SNTG1: variants seen among roughly 807,000 people sequenced by gnomAD.
SNTG1 encodes syntrophin gamma 1.
A neutral mutation model predicts 74.7 loss-of-function variants in SNTG1; 39 were observed. The ratio of observed to expected loss-of-function variants is 0.52; its 90% CI spans 0.40 to 0.68. SNTG1 has a LOEUF of 0.68. SNTG1 is among the 30% of genes least tolerant of loss of function. The pLI, the probability that SNTG1 is intolerant of heterozygous loss-of-function variation, is 0.00. For synonymous variants in SNTG1, 254 were observed against 217.1 expected (o/e 1.17, Z -1.49); for missense variants, 685 against 609.5 (o/e 1.12, Z -1.30).
intron 11 of SNTG1, among the ~76,000 whole-genome samples, chr8:50,544,847 T>A (rs1213298020): frequency 6.6e-6 from 1 of 152,056 alleles, no homozygotes; most frequent in Non-Finnish European, 1.5e-5. Flanking sequence ...CTGTAAAAGC[T>A]CACAGACTAG....
chr8:50,006,699 C>G (rs912378944), intron 1 of SNTG1, among the ~76,000 whole-genome samples: 5 of 152,148 alleles, frequency 3.3e-5, no homozygotes, highest in Admixed American at 1.3e-4. Flanking sequence ...GGGGCTTCCT[C>G]TGGTCCCTAC....
intron 11 of SNTG1, among the ~76,000 whole-genome samples, chr8:50,539,997 A>G (rs1405711920): frequency 6.6e-6 from 1 of 152,164 alleles, no homozygotes; most frequent in Non-Finnish European, 1.5e-5. Flanking sequence ...CGTGTCTAGG[A>G]CATGCAGGAG....
chr8:50,355,830 T>A (rs547418263), intron 2 of SNTG1, among the ~76,000 whole-genome samples: 10 of 152,206 alleles, frequency 6.6e-5, no homozygotes, highest in South Asian at 2.1e-4. Context: ...ACATTTAATC[T>A]GTTCATTGAG....
chr8:50,082,046 CCT>C (rs1453454423), intron 1 of SNTG1, among the ~76,000 whole-genome samples: 2 of 152,122 alleles, frequency 1.3e-5, no homozygotes, highest in Non-Finnish European at 2.9e-5. Flanking sequence ...ATGCTAAACT[CCT>C]CTAAATAATT....
chr8:50,685,199 A>G (rs1022762231), intron 15 of SNTG1, among the ~76,000 whole-genome samples: 1 of 152,170 alleles, frequency 6.6e-6, no homozygotes, highest in African/African-American at 2.4e-5. Context: ...TCTGCTTATG[A>G]CAAACATAGG....
chr8:50,054,224 C>A (rs1391028947), intron 1 of SNTG1, among the ~76,000 whole-genome samples: 2 of 152,100 alleles, frequency 1.3e-5, no homozygotes, highest in African/African-American at 4.8e-5. Flanking sequence ...AATGGGCTCC[C>A]TTCTGGGCAG....
At chr8:50,108,001 T>G (rs947802336) in intron 1 of SNTG1, among the ~76,000 whole-genome samples, 3 of 152,210 alleles carry the variant, frequency 2.0e-5, no homozygotes, top group Admixed American at 2.0e-4. Context: ...AAGCTATATT[T>G]TGAATGATGA....
intron 15 of SNTG1, among the ~76,000 whole-genome samples, chr8:50,685,037 A>G (rs1410186681): frequency 6.6e-6 from 1 of 151,978 alleles, no homozygotes; most frequent in East Asian, 1.9e-4. Context: ...CACTTCTCCA[A>G]GCCCAGTGGA....
At chr8:50,083,016 T>A (rs1011407993) in intron 1 of SNTG1, among the ~76,000 whole-genome samples, 3 of 152,134 alleles carry the variant, frequency 2.0e-5, no homozygotes, top group African/African-American at 7.2e-5. Flanking sequence ...ATGAAGTGAG[T>A]CCTTTCTGAC....
chr8:50,480,947 T>C (rs1587763669), intron 8 of SNTG1, among the ~76,000 whole-genome samples: 2 of 152,188 alleles, frequency 1.3e-5, no homozygotes, highest in South Asian at 4.1e-4. Flanking sequence ...AAAACAAGCA[T>C]TGAATATTCA....
intron 1 of SNTG1, among the ~76,000 whole-genome samples, chr8:49,938,581 TC>T (rs1168045962): frequency 3.5e-4 from 12 of 34,004 alleles, no homozygotes; most frequent in African/African-American, 7.6e-4. Context: ...TCTTTTCTTT[TC>T]TTTTCTTTTC....
chr8:50,565,478 T>G (rs138015899), intron 12 of SNTG1, among the ~76,000 whole-genome samples: 1 of 152,214 alleles, frequency 6.6e-6, no homozygotes, highest in East Asian at 1.9e-4. Context: ...AATCCAAAAC[T>G]GTCCTAATAT....
In SNTG1 at chr8:50,536,751, T is replaced by C. The variant is rs764565019; in HGVS notation, c.623T>C (p.Leu208Pro). 3 of 1,614,064 alleles carry C rather than the reference T, an allele frequency of 1.9e-6. No individual in the cohort carries two copies. The highest frequency in any genetic ancestry group is 1.3e-5 in the African/African-American group (1 of 75,058). ...RWEKRWCDLR[L>P]IPLLHSRFSQ... Reference sequence around the variant, plus strand: ...GAGAAGCGATGGTGCGACCTCAGACTGATCCCTCTACTTCATTCGCGCTTC... The same window carrying C: ...GAGAAGCGATGGTGCGACCTCAGACCGATCCCTCTACTTCATTCGCGCTTC... Residue 208 changes from leucine (L) to proline (P), a missense_variant, in exon 11 of 19, where the codon CTG (leucine) becomes CCG (proline). Leu to Pro is a moderately conservative substitution (Grantham distance 98). Transcript: ENST00000642720.
chr8:50,179,624 T>C (rs1273592137), intron 2 of SNTG1, among the ~76,000 whole-genome samples: 1 of 152,096 alleles, frequency 6.6e-6, no homozygotes, highest in Non-Finnish European at 1.5e-5. Context: ...GGGCAAAATA[T>C]ATGAATAGAC....
At chr8:49,919,126 CCT>C (rs1276753457) in intron 1 of SNTG1, among the ~76,000 whole-genome samples, 1 of 151,974 alleles carries the variant, frequency 6.6e-6, no homozygotes, top group African/African-American at 2.4e-5. Flanking sequence ...CTTTTCTCCC[CCT>C]CTCTTCTTCA....
intron 1 of SNTG1, among the ~76,000 whole-genome samples, chr8:50,044,503 T>A (rs879437301): frequency 5.9e-5 from 9 of 152,228 alleles, no homozygotes; most frequent in Non-Finnish European, 1.2e-4. Context: ...TTTCATTTGA[T>A]CATTCTCTAC....
In SNTG1 at chr8:50,792,760, A is replaced by G. The variant is rs1239478549; in HGVS notation, c.1485A>G (p.Leu495=). The G allele has an allele frequency of 6.8e-6, 11 of 1,612,542 alleles. No individual in the cohort carries two copies. The highest frequency in any genetic ancestry group is 9.3e-6 in the Non-Finnish European group (11 of 1,179,016). Residue 495 remains leucine, a synonymous_variant, in exon 19 of 19, where the codon TTA becomes TTG. Coordinates refer to ENST00000642720, the MANE Select transcript of SNTG1 (RefSeq NM_018967.5). ...TAGCTTGTTTGGACCCTCTATTTTT[A>G]GGCAATCAAGCTACTGCTTCTACTG... ...AKVACLDPLF[L]GNQATASTAA...
intron 9 of SNTG1, among the ~76,000 whole-genome samples, chr8:50,520,858 G>A (rs1331096644): frequency 6.6e-6 from 1 of 152,168 alleles, no homozygotes; most frequent in Non-Finnish European, 1.5e-5. Context: ...GTGAAAGATA[G>A]GGTGGCAATT....
intron 1 of SNTG1, among the ~76,000 whole-genome samples, chr8:49,942,099 T>C (rs1020678846): frequency 1.3e-5 from 2 of 152,190 alleles, no homozygotes; most frequent in South Asian, 4.1e-4. Context: ...AGACCTGCCT[T>C]TTCAATCTGA....
Sources: gnomAD v4.1 joint callset for allele counts (sites outside exome capture counted in the v4.1 genomes callset) on GRCh38, gnomAD v4.1.1 for gene constraint, MANE v1.5 for transcripts, NCBI Gene and HGNC (gene_info 2026-07-23, HGNC 2026-07-21) for gene names.